PRKAG2: variants seen among roughly 807,000 people sequenced by gnomAD.
PRKAG2 encodes the protein 5'-AMP-activated protein kinase subunit gamma-2.
A neutral mutation model predicts 69.6 loss-of-function variants in PRKAG2; 26 were observed. The ratio of observed to expected loss-of-function variants is 0.37; its 90% CI spans 0.27 to 0.52. The LOEUF (loss-of-function observed/expected upper bound fraction) is 0.52. Ranked by LOEUF, PRKAG2 falls within the 20% of genes least tolerant of loss-of-function variation. The probability of loss-of-function intolerance (pLI) is 0.90; values close to 1 mark genes in which losing one functional copy is unlikely to be tolerated. For synonymous variants in PRKAG2, 293 were observed against 285.0 expected (o/e 1.03, Z -0.28); for missense variants, 557 against 740.0 (o/e 0.75, Z 2.87).
At chr7:151,709,982 G>C (rs1189697463) in intron 3 of PRKAG2, among the ~76,000 whole-genome samples, 1 of 152,166 alleles carries the variant, frequency 6.6e-6, no homozygotes, top group Non-Finnish European at 1.5e-5. Flanking sequence ...CCTTCCAGAG[G>C]GCTTTCAGGA....
At chr7:151,582,637 T>C (rs1444961922) in intron 6 of PRKAG2, among the ~76,000 whole-genome samples, 2 of 152,248 alleles carry the variant, frequency 1.3e-5, no homozygotes, top group African/African-American at 2.4e-5. Context: ...GCTAAGGTGC[T>C]ACACCTACTG....
intron 3 of PRKAG2, among the ~76,000 whole-genome samples, chr7:151,758,284 G>C (rs1197442747): frequency 6.6e-6 from 1 of 152,194 alleles, no homozygotes; most frequent in African/African-American, 2.4e-5. Flanking sequence ...CTGGCCAAAG[G>C]CCACCTTGTC....
intron 1 of PRKAG2, among the ~76,000 whole-genome samples, chr7:151,872,138 G>A (rs1049070682): frequency 6.6e-6 from 1 of 152,158 alleles, no homozygotes; most frequent in African/African-American, 2.4e-5. Flanking sequence ...TTTCCCCCAA[G>A]AACCGGCCCC....
At chr7:151,849,300 T>C (rs2079514567) in intron 1 of PRKAG2, among the ~76,000 whole-genome samples, 1 of 152,218 alleles carries the variant, frequency 6.6e-6, no homozygotes, top group Admixed American at 6.5e-5. Context: ...GGTCTGGCCA[T>C]GCCAGCTAGG....
rs545465973 is a variant in PRKAG2, at chr7:151,615,845, C to A, written c.754+16224G>T. Among the ~76,000 whole-genome samples the A allele has an allele frequency of 6.6e-5, 10 of 152,346 alleles. No homozygotes were observed. In the South Asian group the frequency reaches 1.7e-3, roughly 25 times the overall value. On this transcript the variant is annotated intron_variant, in intron 5 of 15. Coordinates refer to ENST00000287878, the MANE Select transcript of PRKAG2 (RefSeq NM_016203.4). ...AACACTACTGCTCATTAGAGAAATG[C>A]AAATCAAAACCCTTGATTCTCTAAT...
chr7:151,706,659 T>C (rs1838666959), intron 3 of PRKAG2, among the ~76,000 whole-genome samples: 2 of 152,260 alleles, frequency 1.3e-5, no homozygotes, highest in Admixed American at 6.5e-5. Context: ...ATCTTCTGAC[T>C]TTCTTCCAAG....
Position 151,675,578 on chromosome 7 carries a change from G to T in PRKAG2, c.526C>A (p.Pro176Thr), listed in dbSNP as rs730880973. ...GGCTCGTGCTTATAGGATTCCAGGG[G>T]AAACGTGTGCTGCTTGGTCACTTGG... Reference protein sequence around the residue: ...PTQVTKQHTFPLESYKHEPER... With the variant: ...PTQVTKQHTFTLESYKHEPER... Residue 176 changes from proline to threonine, a missense_variant, in exon 4 of 16, where the codon CCC becomes ACC. This residue lies in a region of PRKAG2 where 352 missense variants were observed against 356.7 expected (regional missense o/e 0.99). Transcript: ENST00000287878. 1 of 1,614,190 alleles carries T rather than the reference G, an allele frequency of 6.2e-7. No individual in the cohort carries two copies. The highest frequency in any genetic ancestry group is 1.3e-5 in the African/African-American group (1 of 75,064).
chr7:151,594,087 A>G (rs1813863596), intron 6 of PRKAG2, among the ~76,000 whole-genome samples: 1 of 152,154 alleles, frequency 6.6e-6, no homozygotes, highest in Non-Finnish European at 1.5e-5. Context: ...AGAGCCTGGA[A>G]GGATCATCTA....
intron 3 of PRKAG2, among the ~76,000 whole-genome samples, chr7:151,694,830 A>C (rs79549047): frequency 0.011 from 1,735 of 152,258 alleles, 30 homozygotes; most frequent in African/African-American, 0.04. Flanking sequence ...TGGTGTCCCC[A>C]TGTGCCCCCA....
At chr7:151,655,052 G>A (rs1244169682) in intron 4 of PRKAG2, among the ~76,000 whole-genome samples, 2 of 152,168 alleles carry the variant, frequency 1.3e-5, no homozygotes, top group African/African-American at 4.8e-5. Flanking sequence ...TTAACCTGAG[G>A]AGAGGGACTC....
At chr7:151,867,385 G>A (rs73160061) in intron 1 of PRKAG2, among the ~76,000 whole-genome samples, 8,698 of 152,210 alleles carry the variant, frequency 0.057, 337 homozygotes, top group East Asian at 0.12. Context: ...CGAAACCTCC[G>A]GGAGGATCCT....
chr7:151,857,334 G>A (rs1226793433), intron 1 of PRKAG2, among the ~76,000 whole-genome samples: 1 of 148,860 alleles, frequency 6.7e-6, no homozygotes, highest in East Asian at 2.0e-4. Flanking sequence ...GAATGAGGCC[G>A]ATGCCCAGGT....
At chr7:151,594,324 T>C (rs1487510369) in intron 6 of PRKAG2, among the ~76,000 whole-genome samples, 3 of 152,224 alleles carry the variant, frequency 2.0e-5, no homozygotes, top group African/African-American at 7.2e-5. Context: ...ACAATCCTAC[T>C]TGGAAAATAT....
At chr7:151,624,530 G>T (rs1822388052) in intron 5 of PRKAG2, among the ~76,000 whole-genome samples, 1 of 151,990 alleles carries the variant, frequency 6.6e-6, no homozygotes, top group Non-Finnish European at 1.5e-5. Context: ...CCCCAAAATC[G>T]CTCTTCCCTT....
intron 3 of PRKAG2, among the ~76,000 whole-genome samples, chr7:151,678,947 G>A (rs1291699388): frequency 6.6e-6 from 1 of 152,030 alleles, no homozygotes. Flanking sequence ...CTGGGTGACA[G>A]AGTGAGACTC....
At chr7:151,854,338 C>T (rs898457819) in intron 1 of PRKAG2, among the ~76,000 whole-genome samples, 3 of 152,242 alleles carry the variant, frequency 2.0e-5, no homozygotes, top group Non-Finnish European at 4.4e-5. Flanking sequence ...CACGTGTGCA[C>T]ACATAACCCT....
At chr7:151,558,092 T>C (rs1454112221) in intron 15 of PRKAG2, 2 of 985,220 alleles carry the variant, frequency 2.0e-6, no homozygotes, top group Non-Finnish European at 2.4e-6. Flanking sequence ...TGAAACACCG[T>C]AGCTCCTGGC....
intron 1 of PRKAG2, among the ~76,000 whole-genome samples, chr7:151,864,648 C>T (rs1009010935): frequency 6.6e-6 from 1 of 152,220 alleles, no homozygotes; most frequent in Admixed American, 6.5e-5. Context: ...AGGAGACAAG[C>T]GACCTCTCTG....
intron 4 of PRKAG2, among the ~76,000 whole-genome samples, chr7:151,650,310 A>G (rs1371065683): frequency 6.6e-6 from 1 of 151,826 alleles, no homozygotes; most frequent in Non-Finnish European, 1.5e-5. Flanking sequence ...TCAAAAAAAA[A>G]AAAAATTTAG....
Sources: allele counts gnomAD v4.1 joint callset (sites outside exome capture counted in the v4.1 genomes callset), GRCh38; gene constraint gnomAD v4.1.1; regional missense constraint gnomAD v4.1.1; transcripts MANE v1.5; gene names NCBI Gene and HGNC (gene_info 2026-07-23, HGNC 2026-07-21).